Variants in MCOLN3 observed in about 807,000 individuals in gnomAD.
The protein encoded by MCOLN3 is mucolipin TRP cation channel 3, also known as mucolipin-3.
In MCOLN3, 62 loss-of-function variants were observed where a neutral mutation model predicts 69.4. The observed-to-expected ratio is 0.89, with a 90% CI of 0.73 to 1.10. MCOLN3 has a LOEUF of 1.10. Ranked by LOEUF, MCOLN3 falls within the 50% of genes least tolerant of loss-of-function variation. The pLI, the probability that MCOLN3 is intolerant of heterozygous loss-of-function variation, is 0.00. For synonymous variants in MCOLN3, 183 were observed against 217.0 expected (o/e 0.84, Z 1.38); for missense variants, 564 against 656.4 (o/e 0.86, Z 1.54).
intron 6 of MCOLN3, among the ~76,000 whole-genome samples, chr1:85,031,727 A>C (rs978516071): frequency 2.0e-5 from 3 of 152,144 alleles, no homozygotes; most frequent in African/African-American, 7.2e-5. Context: ...TGGGCAAATA[A>C]AAAAATGTTT....
Position 85,019,152 on chromosome 1 carries a change from C to A in MCOLN3, c.1633G>T (p.Val545Leu). The A allele has an allele frequency of 6.2e-7, 1 of 1,613,604 alleles. No homozygotes were observed. Among genetic ancestry groups the A allele is most frequent in the Non-Finnish European group, 8.5e-7 (1 of 1,179,678 alleles). The change falls in exon 13 of 13, where the codon GTA (valine) becomes TTA (leucine). Residue 545 changes from valine to leucine, a missense_variant. Physicochemically the swap from Val to Leu is conservative, Grantham distance 32. Coordinates refer to ENST00000370589, the MANE Select transcript of MCOLN3 (RefSeq NM_018298.11). ...GKYRLEDDPPVSLFCCCKK is the reference protein window; with the variant it reads ...GKYRLEDDPPLSLFCCCKK ...TTTTTACAACAGCAGAATAAAGATA[C>A]TGGAGGGTCATCTTCTAATCTGTAT...
chr1:85,041,226 A>T, intron 2 of MCOLN3, 49 bp from the exon 3 acceptor site: 4 of 1,525,662 alleles, frequency 2.6e-6, no homozygotes, highest in Non-Finnish European at 3.6e-6. Context: ...TGTGGGCAGA[A>T]AAAGCAGAGC....
At chr1:85,033,042 A>G in intron 4 of MCOLN3, 86 bp from the exon 5 acceptor site, 1 of 1,099,890 alleles carries the variant, frequency 9.1e-7, no homozygotes, top group Non-Finnish European at 1.4e-6. Flanking sequence ...CCAGTTATTC[A>G]GATTCTATTA....
intron 3 of MCOLN3, among the ~76,000 whole-genome samples, chr1:85,037,840 C>T (rs369334547): frequency 6.6e-6 from 1 of 152,166 alleles, no homozygotes; most frequent in East Asian, 1.9e-4. Flanking sequence ...CTTGGAGGAG[C>T]TTTAATTAGT....
At chr1:85,035,393 A>T (rs1387232453) in intron 3 of MCOLN3, among the ~76,000 whole-genome samples, 1 of 152,190 alleles carries the variant, frequency 6.6e-6, no homozygotes, top group African/African-American at 2.4e-5. Context: ...TCCACTGAAT[A>T]CCACACATGG....
chr1:85,024,550 T>C (rs1339787950), intron 9 of MCOLN3: 2 of 152,126 alleles, frequency 1.3e-5, no homozygotes, highest in African/African-American at 2.4e-5. Flanking sequence ...GTTTTTTTTT[T>C]CTATTATTTT....
chr1:85,032,765 T>C lies in MCOLN3; in HGVS notation c.663A>G (p.Lys221=). The C allele has an allele frequency of 6.2e-7, 1 of 1,614,130 alleles. No homozygotes were observed. Among genetic ancestry groups the C allele is most frequent in the Non-Finnish European group, 8.5e-7 (1 of 1,179,954 alleles). Residue 221 remains lysine, a synonymous_variant, in exon 6 of 13, where the codon AAA becomes AAG. Coordinates refer to ENST00000370589, the MANE Select transcript of MCOLN3 (RefSeq NM_018298.11). ...CTGTCTGCAGATTAATGGCTTTCAG[T>C]TTAAACTGAAGCTCCACTGTTAGGA... is the stretch of plus-strand genomic sequence containing the variant. ...HRLLTVELQF[K]LKAINLQTVR... is the part of the protein sequence containing the mutation.
intron 6 of MCOLN3, among the ~76,000 whole-genome samples, chr1:85,032,229 G>T (rs1652571596): frequency 6.6e-6 from 1 of 152,106 alleles, no homozygotes; most frequent in Non-Finnish European, 1.5e-5. Context: ...TGTGTGCAGT[G>T]GTATAACTTG....
rs372668980 is a variant in MCOLN3 at position 85,026,446 on chromosome 1, T to A, written c.833-162A>T. On this transcript the variant is annotated intron_variant, in intron 7 of 12. Transcript: ENST00000370589. ...ATTAGTATTTGAAGAAGGGCAAAAG[T>A]CTTTCTTTTAAAAAATCACCACAAC... Among the ~76,000 whole-genome samples, 7 of 152,064 alleles carry A rather than the reference T, an allele frequency of 4.6e-5. No individual in the cohort carries two copies. In the East Asian group the frequency reaches 1.2e-3, roughly 25 times the overall value.
intron 9 of MCOLN3, among the ~76,000 whole-genome samples, chr1:85,024,109 T>C (rs1652096350): frequency 6.6e-6 from 1 of 151,338 alleles, no homozygotes; most frequent in Admixed American, 6.6e-5. Flanking sequence ...CAGTGAGCTA[T>C]AATCGCGCCA....
chr1:85,038,235 C>T (rs1003991852), intron 3 of MCOLN3, among the ~76,000 whole-genome samples: 1 of 152,054 alleles, frequency 6.6e-6, no homozygotes, highest in Non-Finnish European at 1.5e-5. Flanking sequence ...GTGTGGGCAA[C>T]TGCTTAGGAG....
In MCOLN3 at chr1:85,022,336, C is replaced by T. The variant is rs767796682; in HGVS notation, c.1160G>A (p.Gly387Glu). ...AAAGAAACCGAGGTATCGGATGACT[C>T]CAAGCCACACGAGCATGGTAGAAGT... is the stretch of plus-strand genomic sequence containing the variant. ...LGTSTMLVWLGVIRYLGFFAK... is the reference protein window; with the variant it reads ...LGTSTMLVWLEVIRYLGFFAK... Residue 387 changes from glycine to glutamate, a missense_variant, in exon 10 of 13, where the codon GGA (glycine) becomes GAA (glutamate). Coordinates refer to ENST00000370589, the MANE Select transcript of MCOLN3 (RefSeq NM_018298.11). The T allele has an allele frequency of 6.2e-7, 1 of 1,613,854 alleles. No individual in the cohort carries two copies. The highest frequency in any genetic ancestry group is 8.5e-7 in the Non-Finnish European group (1 of 1,179,824).
rs757167952 is a variant in MCOLN3 at position 85,022,386 on chromosome 1, A to G, written c.1110T>C (p.Tyr370=). The change falls in exon 10 of 13, where the codon TAT becomes TAC. Residue 370 remains tyrosine, a synonymous_variant. Transcript: ENST00000370589. ...TCCCAAGAAGTATGCTACAGACATCATAACTAGTTAGACTCTAAGAGAGAG... is the reference window on the plus strand; with the variant it reads ...TCCCAAGAAGTATGCTACAGACATCGTAACTAGTTAGACTCTAAGAGAGAG... ...MEIQAKSLTS[Y]DVCSILLGTS... 1 of 1,606,332 alleles carries G rather than the reference A, an allele frequency of 6.2e-7. No individual in the cohort carries two copies. Among genetic ancestry groups the G allele is most frequent in the Non-Finnish European group, 8.5e-7 (1 of 1,173,692 alleles).
intron 1 of MCOLN3, among the ~76,000 whole-genome samples, chr1:85,046,625 T>C (rs1242322473): frequency 6.6e-6 from 1 of 152,212 alleles, no homozygotes; most frequent in Non-Finnish European, 1.5e-5. Context: ...TTAGATACCA[T>C]GCTGCTTTCC....
chr1:85,041,870 C>CAAAAAA (rs11446470), intron 2 of MCOLN3, among the ~76,000 whole-genome samples: 1 of 69,682 alleles, frequency 1.4e-5, no homozygotes, highest in African/African-American at 6.2e-5. Flanking sequence ...AACTACGTCT[C>CAAAAAA]AAAAAAAAAA....
intron 3 of MCOLN3, among the ~76,000 whole-genome samples, chr1:85,038,212 T>C (rs1026836596): frequency 6.6e-6 from 1 of 152,034 alleles, no homozygotes; most frequent in Non-Finnish European, 1.5e-5. Flanking sequence ...GCTTGTGAGG[T>C]AGGTGTCTGG....
At chr1:85,034,799 C>T (rs1047667755) in intron 3 of MCOLN3, among the ~76,000 whole-genome samples, 1 of 152,100 alleles carries the variant, frequency 6.6e-6, no homozygotes, top group Non-Finnish European at 1.5e-5. Flanking sequence ...ATTACTTTTA[C>T]AAGTAAGAAT....
chr1:85,034,132 A>G lies in MCOLN3; in HGVS notation c.516T>C (p.Asn172=), dbSNP rs368713032. 4.3e-6 allele frequency: 7 copies of G among 1,614,112 alleles called. No individual in the cohort carries two copies. The highest frequency in any genetic ancestry group is 5.1e-6 in the Non-Finnish European group (6 of 1,180,034). Residue 172 remains asparagine (N), a synonymous_variant, in exon 4 of 13, where the codon AAT becomes AAC. Transcript: ENST00000370589. The stretch of plus-strand genomic sequence containing the variant: ...TTTCTGGATCGATGTCAAAGGTATC[A>G]TTTCCAGGGTAGATGTTTCCTCGCT... ...FYKRGNIYPG[N]DTFDIDPEIE...
At chr1:85,019,566 G>A (rs890722056) in intron 12 of MCOLN3, among the ~76,000 whole-genome samples, 10 of 152,186 alleles carry the variant, frequency 6.6e-5, no homozygotes, top group Non-Finnish European at 1.0e-4. Flanking sequence ...TCCCAAGTCC[G>A]AGAACCTCTG....
Sources: gnomAD v4.1 joint callset for allele counts (sites outside exome capture counted in the v4.1 genomes callset) on GRCh38, gnomAD v4.1.1 for gene constraint, MANE v1.5 for transcripts, NCBI Gene and HGNC (gene_info 2026-07-23, HGNC 2026-07-21) for gene names.